Variants in DIP2C observed in about 807,000 individuals in gnomAD.
DIP2C encodes DIP2 acetate--CoA ligase C (putative).
In DIP2C, 33 loss-of-function variants were observed where a neutral mutation model predicts 192.4. The ratio of observed to expected loss-of-function variants is 0.17; its 90% CI spans 0.13 to 0.23. The LOEUF is 0.23. Among genes scored for constraint, DIP2C ranks in the 10% least tolerant of loss-of-function variants. The probability of loss-of-function intolerance (pLI) is 1.00; values close to 1 mark genes in which losing one functional copy is unlikely to be tolerated. For synonymous variants in DIP2C, 979 were observed against 864.1 expected, an observed-to-expected ratio of 1.13 and a Z score of -2.33; for missense variants, 1,537 against 2,110.1, an observed-to-expected ratio of 0.73 and a Z score of 5.32.
chr10:530,700 A>T (rs916804435), intron 1 of DIP2C, among the ~76,000 whole-genome samples: 17 of 151,746 alleles, frequency 1.1e-4, no homozygotes, highest in Middle Eastern at 3.4e-3. Context: ...AGTAATGAAA[A>T]GGTTGATTAA....
rs565398162 is a variant in DIP2C, at chr10:666,260, C to A, written c.85+23234G>T. ...AGAAGAAAGCAAAGGGCATCACTCC[C>A]TACCCACGAAAGACTCACAACATCC... On this transcript the variant is annotated intron_variant, in intron 1 of 36. Transcript: ENST00000280886. The surrounding 1 kb of genome is among the most constrained non-coding windows in gnomAD (Gnocchi z 4.1). The A allele has an allele frequency of 6.6e-6, 1 of 152,318 alleles. No homozygotes were observed. The highest frequency in any genetic ancestry group is 6.5e-5 in the Admixed American group (1 of 15,288). 9.4% of individuals were successfully genotyped at this position (152,318 alleles called of 1,614,324 possible).
chr10:634,831 G>A (rs967398987), intron 1 of DIP2C, among the ~76,000 whole-genome samples: 17 of 152,158 alleles, frequency 1.1e-4, no homozygotes, highest in Admixed American at 1.0e-3. Flanking sequence ...AAGTTCTTCC[G>A]GAGGGTAGCG....
chr10:365,682 T>C (rs1359802807), intron 19 of DIP2C, among the ~76,000 whole-genome samples: 1 of 152,280 alleles, frequency 6.6e-6, no homozygotes, highest in East Asian at 1.9e-4. Context: ...GCACTGAACG[T>C]GTGTCTGAGC....
chr10:605,976 G>GT (rs1203444063), intron 1 of DIP2C, among the ~76,000 whole-genome samples: 1 of 152,152 alleles, frequency 6.6e-6, no homozygotes, highest in Non-Finnish European at 1.5e-5. Flanking sequence ...CTTGCGAGAC[G>GT]TTCCCCCCCA....
intron 1 of DIP2C, among the ~76,000 whole-genome samples, chr10:603,988 C>CA (rs1852285191): frequency 6.6e-6 from 1 of 150,404 alleles, no homozygotes; most frequent in Admixed American, 6.6e-5. Flanking sequence ...CCTCCGGCCC[C>CA]AGCTCCCTCA....
Position 623,239 on chromosome 10 carries a change from G to A in DIP2C, c.85+66255C>T, listed in dbSNP as rs892032329. 4.0e-5 allele frequency among the ~76,000 whole-genome samples: 6 copies of A among 151,870 alleles called. No individual in the cohort carries two copies. The East Asian group carries it at 5.9e-4, about 15-fold the overall frequency. Reference sequence around the variant, plus strand: ...GAGGGGATGCTGCAGCCGGGCTGGCGAGGGAGGTCACAGGAACGGGCGCAG... The same window carrying A: ...GAGGGGATGCTGCAGCCGGGCTGGCAAGGGAGGTCACAGGAACGGGCGCAG... On this transcript the variant is annotated intron_variant, in intron 1 of 36. Coordinates refer to ENST00000280886, the MANE Select transcript of DIP2C (RefSeq NM_014974.3).
In DIP2C at chr10:415,892, A is replaced by C; in HGVS notation, c.740-4T>G. The C allele has an allele frequency of 6.2e-7, 1 of 1,613,614 alleles. No individual in the cohort carries two copies. The highest frequency in any genetic ancestry group is 8.5e-7 in the Non-Finnish European group (1 of 1,179,912). On this transcript the variant is annotated splice_region_variant and splice_polypyrimidine_tract_variant and intron_variant, in intron 6 of 36. Coordinates refer to ENST00000280886, the MANE Select transcript of DIP2C (RefSeq NM_014974.3). Reference sequence around the variant, plus strand: ...ACCCGGCTACTTACTGGTACTCCTGAAAAACAGGAATCAGCGGGTGGGGAA... The same window carrying C: ...ACCCGGCTACTTACTGGTACTCCTGCAAAACAGGAATCAGCGGGTGGGGAA...
intron 8 of DIP2C, 111 bp downstream of exon 8, chr10:413,802 T>G (rs1464293593): frequency 7.4e-7 from 1 of 1,351,562 alleles, no homozygotes; most frequent in Non-Finnish European, 1.0e-6. Context: ...GGCAGAGGGT[T>G]AGCCTCGGGA....
intron 1 of DIP2C, among the ~76,000 whole-genome samples, chr10:543,435 C>A (rs979240309): frequency 3.3e-5 from 5 of 152,176 alleles, no homozygotes; most frequent in African/African-American, 7.2e-5. Flanking sequence ...CTGACGTTGC[C>A]GTGACCACAT....
In DIP2C at chr10:513,179, T is replaced by C. The variant is rs199566027; in HGVS notation, c.86-26649A>G. Among the ~76,000 whole-genome samples the C allele has an allele frequency of 5.5e-4, 84 of 151,564 alleles. 1 individual carries two copies. The South Asian group carries it at 7.7e-3, about 14-fold the overall frequency. On this transcript the variant is annotated intron_variant, in intron 1 of 36. Coordinates refer to ENST00000280886, the MANE Select transcript of DIP2C (RefSeq NM_014974.3). ...GCATACTGGCAGTTTTCCCTTCAGG[T>C]GCTGTATGCCTAAATTATTACATGT...
At chr10:416,345 T>G (rs1262002154) in intron 6 of DIP2C, among the ~76,000 whole-genome samples, 1 of 151,986 alleles carries the variant, frequency 6.6e-6, no homozygotes, top group South Asian at 2.1e-4. Flanking sequence ...TTCAGCCTCA[T>G]GGAGGCACGA....
intron 3 of DIP2C, 105 bp downstream of exon 3, chr10:472,334 A>G (rs1970697091): frequency 8.0e-6 from 8 of 999,792 alleles, no homozygotes; most frequent in Non-Finnish European, 1.2e-5. Context: ...CGCGTGCTGC[A>G]GGTCCACGCC....
At chr10:522,336 T>A (rs1269749917) in intron 1 of DIP2C, among the ~76,000 whole-genome samples, 1 of 152,168 alleles carries the variant, frequency 6.6e-6, no homozygotes, top group Non-Finnish European at 1.5e-5. Flanking sequence ...CTGAAGGGCA[T>A]CTTGGTTGCT....
chr10:396,604 A>G (rs1218908991), intron 10 of DIP2C, among the ~76,000 whole-genome samples: 2 of 152,116 alleles, frequency 1.3e-5, no homozygotes, highest in Non-Finnish European at 2.9e-5. Context: ...CTAACCATGG[A>G]CATGAACATC....
chr10:499,592 G>C (rs956523398), intron 1 of DIP2C, among the ~76,000 whole-genome samples: 4 of 152,196 alleles, frequency 2.6e-5, no homozygotes, highest in Non-Finnish European at 5.9e-5. Flanking sequence ...GAGCAGCCAA[G>C]GGCTGGTGGC....
At chr10:505,889 C>G (rs1442525013) in intron 1 of DIP2C, among the ~76,000 whole-genome samples, 1 of 152,222 alleles carries the variant, frequency 6.6e-6, no homozygotes, top group African/African-American at 2.4e-5. Context: ...CCTACACTGA[C>G]AGCTACAGCA....
intron 17 of DIP2C, among the ~76,000 whole-genome samples, chr10:379,481 C>CTTGAAGGCCCTGGACCTT (rs2132864972): frequency 6.6e-6 from 1 of 152,256 alleles, no homozygotes; most frequent in South Asian, 2.1e-4. Context: ...ACCTGGGGCT[C>CTTGAAGGCCCTGGACCTT]TTGAAGGCCC....
intron 10 of DIP2C, among the ~76,000 whole-genome samples, chr10:395,620 G>A (rs1225098729): frequency 1.3e-5 from 2 of 152,116 alleles, no homozygotes; most frequent in Non-Finnish European, 2.9e-5. Context: ...GTTCTCCACA[G>A]CTTTCTGCAA....
At chr10:541,640 TG>T in intron 1 of DIP2C, among the ~76,000 whole-genome samples, 1 of 146,634 alleles carries the variant, frequency 6.8e-6, no homozygotes, top group African/African-American at 2.6e-5. Context: ...CCCCACAGCG[TG>T]ACCCTCCACC....
Sources: gnomAD v4.1 joint callset for allele counts (sites outside exome capture counted in the v4.1 genomes callset) on GRCh38, gnomAD v4.1.1 for gene constraint, Gnocchi (gnomAD v3.1) non-coding constraint, MANE v1.5 for transcripts, NCBI Gene and HGNC (gene_info 2026-07-23, HGNC 2026-07-21) for gene names.